ATF7IP: variants seen among roughly 807,000 people sequenced by gnomAD.
The protein encoded by ATF7IP is activating transcription factor 7 interacting protein.
Under a neutral mutation model 106.4 loss-of-function variants are expected in ATF7IP, and 23 were observed. That is an observed-to-expected ratio of 0.22 (90% CI 0.16 to 0.31). The LOEUF (loss-of-function observed/expected upper bound fraction) is 0.31. ATF7IP is among the 10% of genes least tolerant of loss of function. The pLI is 1.00. For missense variants in ATF7IP, 1,334 were observed against 1,524.3 expected, an observed-to-expected ratio of 0.88 and a Z score of 2.08; for synonymous variants, 542 against 539.0, an observed-to-expected ratio of 1.01 and a Z score of -0.08.
intron 2 of ATF7IP, among the ~76,000 whole-genome samples, chr12:14,427,365 CT>C (rs879724150): frequency 8.6e-4 from 125 of 144,830 alleles, no homozygotes; most frequent in Admixed American, 1.5e-3. Context: ...GAGTCTAATT[CT>C]TTTTTTTTTT....
chr12:14,481,207 T>C (rs755694694), intron 13 of ATF7IP, 22 bp downstream of exon 13: 3 of 1,611,776 alleles, frequency 1.9e-6, no homozygotes, highest in Non-Finnish European at 2.5e-6. Flanking sequence ...TTCTTGTATA[T>C]GGCCCCAAGA....
At chr12:14,483,621 C>T (rs1944497093) in intron 13 of ATF7IP, among the ~76,000 whole-genome samples, 1 of 152,060 alleles carries the variant, frequency 6.6e-6, no homozygotes, top group South Asian at 2.1e-4. Flanking sequence ...GTGAGTGGTG[C>T]TACTTCCACT....
intron 10 of ATF7IP, among the ~76,000 whole-genome samples, chr12:14,468,493 TAAAAA>T (rs5796596): frequency 7.0e-6 from 1 of 143,226 alleles, no homozygotes; most frequent in Non-Finnish European, 1.5e-5. Context: ...AGAAGAAACT[TAAAAA>T]AAAAAAAAAA....
chr12:14,466,830 C>T, intron 10 of ATF7IP, among the ~76,000 whole-genome samples: 1 of 152,014 alleles, frequency 6.6e-6, no homozygotes, highest in East Asian at 1.9e-4. Flanking sequence ...TATTAACTGA[C>T]TGATTTGATT....
chr12:14,461,374 C>T (rs1943632623), intron 9 of ATF7IP, among the ~76,000 whole-genome samples: 1 of 151,812 alleles, frequency 6.6e-6, no homozygotes, highest in Admixed American at 6.6e-5. Flanking sequence ...AGTAATTTTC[C>T]TAAGTTTGGT....
intron 1 of ATF7IP, among the ~76,000 whole-genome samples, chr12:14,423,056 A>G (rs1158472626): frequency 6.6e-6 from 1 of 151,800 alleles, no homozygotes; most frequent in East Asian, 1.9e-4. Flanking sequence ...GCCAACACTC[A>G]TTATTCTCGT....
rs368358151 is a variant in ATF7IP, at chr12:14,382,808, G to C, written c.-8+16981G>C. Among the ~76,000 whole-genome samples the C allele has an allele frequency of 3.9e-5, 6 of 152,180 alleles. No homozygotes were observed. In the East Asian group the frequency reaches 7.7e-4, roughly 19 times the overall value. On this transcript the variant is annotated intron_variant, in intron 1 of 14. Coordinates refer to ENST00000261168, the MANE Select transcript of ATF7IP (RefSeq NM_018179.5). ...TTATTTGCATAAAGATACAAGTAAT[G>C]AAATGGTGGTAAGTATAATGATGAT...
At chr12:14,476,224 C>T (rs1477086734) in intron 11 of ATF7IP, 1 of 311,574 alleles carries the variant, frequency 3.2e-6, no homozygotes, top group Non-Finnish European at 6.0e-6. Flanking sequence ...CCAGCCCGGG[C>T]AATGCGGTGA....
intron 1 of ATF7IP, among the ~76,000 whole-genome samples, chr12:14,405,625 C>T (rs966079216): frequency 6.6e-6 from 1 of 151,896 alleles, no homozygotes; most frequent in Non-Finnish European, 1.5e-5. Context: ...CTATGTTGTC[C>T]AGGCTCATCT....
At chr12:14,399,555 TG>T (rs1241225731) in intron 1 of ATF7IP, among the ~76,000 whole-genome samples, 2 of 152,094 alleles carry the variant, frequency 1.3e-5, no homozygotes, top group Non-Finnish European at 2.9e-5. Flanking sequence ...TTGGAAAACT[TG>T]TATATTTTTT....
intron 5 of ATF7IP, among the ~76,000 whole-genome samples, chr12:14,443,694 A>G (rs1591872912): frequency 1.3e-5 from 2 of 152,218 alleles, no homozygotes; most frequent in Non-Finnish European, 1.5e-5. Context: ...AGATGTTGCT[A>G]TTTAGAGCTT....
At chr12:14,386,678 CAT>C (rs1264555392) in intron 1 of ATF7IP, among the ~76,000 whole-genome samples, 1 of 152,074 alleles carries the variant, frequency 6.6e-6, no homozygotes, top group African/African-American at 2.4e-5. Flanking sequence ...ATTCACATGT[CAT>C]GTGTATTTAA....
chr12:14,375,560 AAAG>A (rs1163883778), intron 1 of ATF7IP, among the ~76,000 whole-genome samples: 1 of 152,200 alleles, frequency 6.6e-6, no homozygotes, highest in East Asian at 1.9e-4. Context: ...TGAAGAAAGA[AAAG>A]AAGAACAAAA....
intron 1 of ATF7IP, among the ~76,000 whole-genome samples, chr12:14,366,714 G>A (rs1011738254): frequency 6.6e-6 from 1 of 152,004 alleles, no homozygotes; most frequent in Non-Finnish European, 1.5e-5. Flanking sequence ...CATTTTCTTA[G>A]CATTTTTGTT....
At chr12:14,431,421 G>A (rs911341213) in intron 2 of ATF7IP, among the ~76,000 whole-genome samples, 8 of 148,346 alleles carry the variant, frequency 5.4e-5, no homozygotes, top group Admixed American at 2.0e-4. Flanking sequence ...TTGAGATGGC[G>A]TCTCGCTCTG....
At chr12:14,374,015 T>G (rs1938627936) in intron 1 of ATF7IP, among the ~76,000 whole-genome samples, 1 of 141,608 alleles carries the variant, frequency 7.1e-6, no homozygotes, top group Non-Finnish European at 1.6e-5. Context: ...TAGTTTATGT[T>G]TGCATTATTT....
At chr12:14,447,335 G>T (rs1164350531) in intron 6 of ATF7IP, among the ~76,000 whole-genome samples, 3 of 140,672 alleles carry the variant, frequency 2.1e-5, no homozygotes, top group African/African-American at 8.2e-5. Context: ...AGGCTGGAGT[G>T]CAGTGGCACC....
At chr12:14,398,216 G>A (rs74069815) in intron 1 of ATF7IP, among the ~76,000 whole-genome samples, 15 of 151,628 alleles carry the variant, frequency 9.9e-5, no homozygotes, top group African/African-American at 3.6e-4. Context: ...TCCATGCTTT[G>A]GGATTATACC....
intron 13 of ATF7IP, among the ~76,000 whole-genome samples, chr12:14,489,011 A>G (rs1413316668): frequency 1.3e-5 from 2 of 152,188 alleles, no homozygotes; most frequent in African/African-American, 4.8e-5. Flanking sequence ...ATTGATGACT[A>G]CCTTTTTCTA....
Sources: allele counts gnomAD v4.1 joint callset (sites outside exome capture counted in the v4.1 genomes callset), GRCh38; gene constraint gnomAD v4.1.1; transcripts MANE v1.5; gene names NCBI Gene and HGNC (gene_info 2026-07-23, HGNC 2026-07-21).